Variants in PCDH11X observed in about 807,000 individuals in gnomAD.
The protein encoded by PCDH11X is protocadherin-11 X-linked.
PCDH11X carries 18 observed loss-of-function variants against 53.3 expected under a neutral mutation model. That is an observed-to-expected ratio of 0.34 (90% CI 0.23 to 0.50). PCDH11X has a LOEUF of 0.50. Among genes scored for constraint, PCDH11X ranks in the 20% least tolerant of loss-of-function variants. The probability of loss-of-function intolerance (pLI) is 0.98; values close to 1 mark genes in which losing one functional copy is unlikely to be tolerated. For missense variants in PCDH11X, 570 were observed against 1,032.4 expected (o/e 0.55, Z 6.14); for synonymous variants, 279 against 393.3 (o/e 0.71, Z 3.44).
chrX:92,253,038 AAAAG>A (rs2067490157), intron 7 of PCDH11X, among the ~76,000 whole-genome samples: 1 of 108,728 alleles, frequency 9.2e-6, no homozygotes, highest in East Asian at 3.2e-4. Context: ...CACAGGTAAG[AAAAG>A]AAAAAAAAAA....
At chrX:92,398,094 A>C (rs2071287123) in intron 9 of PCDH11X, among the ~76,000 whole-genome samples, 1 of 111,941 alleles carries the variant, frequency 8.9e-6, no homozygotes, top group Non-Finnish European at 1.9e-5. Context: ...ATTTTTGCAA[A>C]ACAGCTTAAC....
chrX:91,974,121 G>T (rs1295890714), intron 6 of PCDH11X, among the ~76,000 whole-genome samples: 1 of 111,106 alleles, frequency 9.0e-6, no homozygotes, highest in Admixed American at 9.6e-5. Flanking sequence ...AAATGTAAAT[G>T]GATGACTGAT....
At chrX:92,087,013 G>A (rs1343033953) in intron 6 of PCDH11X, among the ~76,000 whole-genome samples, 1 of 109,767 alleles carries the variant, frequency 9.1e-6, no homozygotes, top group Non-Finnish European at 1.9e-5. Flanking sequence ...CTCCATAGTT[G>A]GTAACCTGTT....
chrX:91,914,807 T>G, intron 6 of PCDH11X, among the ~76,000 whole-genome samples: 1 of 111,737 alleles, frequency 8.9e-6, no homozygotes, highest in East Asian at 2.8e-4. Flanking sequence ...AATCTAAAAA[T>G]TTGGAAAACT....
At chrX:92,266,353 C>T (rs1010522986) in intron 8 of PCDH11X, among the ~76,000 whole-genome samples, 3 of 111,766 alleles carry the variant, frequency 2.7e-5, no homozygotes, top group Non-Finnish European at 5.6e-5. Context: ...TAAGGCAACA[C>T]ATTATCTTAG....
chrX:92,453,423 GAAGTTGCATACC>G (rs2072842629), intron 9 of PCDH11X, among the ~76,000 whole-genome samples: 1 of 111,322 alleles, frequency 9.0e-6, no homozygotes, highest in Admixed American at 9.6e-5. Context: ...TTAAGTCTGT[GAAGTTGCATACC>G]AAGTAAGCAA....
At position 92,178,152 on chromosome X, in the gene PCDH11X, C is replaced by T. The variant is rs749962624; in HGVS notation, c.3034-23223C>T. ...CAAAAATAATTGGAAATCTATTTCA[C>T]GAACAGTAGGAACCCTAGGTAGAAT... On this transcript the variant is annotated intron_variant, in intron 6 of 10. Transcript: ENST00000682573. 3.0e-3 allele frequency among the ~76,000 whole-genome samples: 334 copies of T among 111,310 alleles called. 6 individuals carry two copies. The highest frequency in any genetic ancestry group is 0.021 in the Admixed American group (215 of 10,336).
intron 10 of PCDH11X, among the ~76,000 whole-genome samples, chrX:92,479,755 A>G (rs1432167526): frequency 9.7e-6 from 1 of 103,119 alleles, no homozygotes; most frequent in Non-Finnish European, 2.0e-5. Context: ...TTTTTAGGTG[A>G]CCTGACTCTT....
chrX:91,986,567 G>T (rs1978310505), intron 6 of PCDH11X, among the ~76,000 whole-genome samples: 1 of 109,162 alleles, frequency 9.2e-6, no homozygotes, highest in African/African-American at 3.3e-5. Flanking sequence ...GTGACAATAG[G>T]TTTATTTCCT....
intron 6 of PCDH11X, among the ~76,000 whole-genome samples, chrX:92,068,114 A>G (rs1231482531): frequency 9.1e-6 from 1 of 109,967 alleles, no homozygotes; most frequent in East Asian, 2.9e-4. Flanking sequence ...TTTTCATTTC[A>G]TTGATCTTCT....
Position 92,515,061 on chromosome X carries a change from AAAG to A in PCDH11X, c.3367+46742_3367+46744del, listed in dbSNP as rs1289644332. Among the ~76,000 whole-genome samples, 27 of 86,427 alleles carry A rather than the reference AAAG, an allele frequency of 3.1e-4. 1 individual carries two copies. Among genetic ancestry groups the A allele is most frequent in the South Asian group, 1.3e-3 (2 of 1,577 alleles). The allele number at this position is 86,427 out of a possible 115,157, so 75.1% of individuals were successfully genotyped here. A position where few individuals can be genotyped will look rare whatever the true frequency, so the allele number is the denominator to read the frequency against. ...GATTCCACCTCAAAAAAAAAAAAAA[AAAG>A]AAAAGAAAAGAATCACCCTTATCCT... On this transcript the variant is annotated intron_variant, in intron 10 of 10. Coordinates refer to ENST00000682573, the MANE Select transcript of PCDH11X (RefSeq NM_032968.5).
At chrX:91,965,086 A>G (rs2061846309) in intron 6 of PCDH11X, among the ~76,000 whole-genome samples, 1 of 111,175 alleles carries the variant, frequency 9.0e-6, no homozygotes, top group East Asian at 2.8e-4. Flanking sequence ...AATTTAATGT[A>G]CATTCAGCTC....
intron 7 of PCDH11X, among the ~76,000 whole-genome samples, chrX:92,239,677 T>C (rs1455939767): frequency 1.8e-5 from 2 of 111,801 alleles, no homozygotes; most frequent in East Asian, 2.8e-4. Context: ...AACTGTCTGA[T>C]TGAAAATTTT....
intron 7 of PCDH11X, among the ~76,000 whole-genome samples, chrX:92,216,063 A>C (rs2066702907): frequency 9.1e-6 from 1 of 109,769 alleles, no homozygotes; most frequent in East Asian, 2.9e-4. Context: ...GTATGTCACC[A>C]TCATCAAAGA....
At chrX:92,499,119 C>A (rs2073912033) in intron 10 of PCDH11X, among the ~76,000 whole-genome samples, 1 of 107,676 alleles carries the variant, frequency 9.3e-6, no homozygotes, top group Non-Finnish European at 1.9e-5. Flanking sequence ...CATTCTAGTT[C>A]TTTTCATATT....
chrX:92,591,482 A>G (rs989596414), intron 10 of PCDH11X, among the ~76,000 whole-genome samples: 18 of 111,016 alleles, frequency 1.6e-4, no homozygotes, highest in Non-Finnish European at 3.2e-4. Context: ...GGGGTACCGC[A>G]GAATAGAATG....
In PCDH11X at chrX:92,617,055, T is replaced by A. The variant is rs35581006; in HGVS notation, c.3368-1209T>A. On this transcript the variant is annotated intron_variant, in intron 10 of 10. Transcript: ENST00000682573. ...TTCTTTTTCTTGCTTTATTTCATTG[T>A]CTAGAACTTACAATATTATGTCACA... is the stretch of plus-strand genomic sequence containing the variant. Among the ~76,000 whole-genome samples, 3 of 111,834 alleles carry A rather than the reference T, an allele frequency of 2.7e-5. No homozygotes were observed. The South Asian group carries it at 1.1e-3, about 42-fold the overall frequency.
chrX:92,261,414 G>T (rs2067712258), intron 7 of PCDH11X, among the ~76,000 whole-genome samples: 1 of 111,664 alleles, frequency 9.0e-6, no homozygotes, highest in Admixed American at 9.5e-5. Context: ...AAATGATAAG[G>T]AAAGGAAATG....
At position 91,878,679 on chromosome X, in the gene PCDH11X, C is replaced by A; in HGVS notation, c.2439C>A (p.Ile813=). Residue 813 remains isoleucine (I), a synonymous_variant, in exon 6 of 11, where the codon ATC becomes ATA. Coordinates refer to ENST00000682573, the MANE Select transcript of PCDH11X (RefSeq NM_032968.5). The part of the protein sequence containing the change: ...VSSPTSDYVK[I]LVAAVAGTIT... ...CACCAACTAGTGACTATGTCAAGAT[C>A]CTGGTTGCAGCTGTTGCTGGCACCA... 8.3e-7 allele frequency: 1 copy of A among 1,210,484 alleles called. No homozygotes were observed. The highest frequency in any genetic ancestry group is 1.1e-6 in the Non-Finnish European group (1 of 895,114).
Sources: gnomAD v4.1 joint callset for allele counts (sites outside exome capture counted in the v4.1 genomes callset) on GRCh38, gnomAD v4.1.1 for gene constraint, MANE v1.5 for transcripts, NCBI Gene and HGNC (gene_info 2026-07-23, HGNC 2026-07-21) for gene names.